FBN2: variants seen among roughly 807,000 people sequenced by gnomAD.
FBN2 encodes the protein fibrillin 2.
In FBN2, 105 loss-of-function variants were observed where a neutral mutation model predicts 355.6. The observed-to-expected ratio is 0.30, with a 90% CI of 0.25 to 0.35. The LOEUF is 0.35. FBN2 is among the 10% of genes least tolerant of loss of function. FBN2 has a pLI of 1.00. For missense variants in FBN2, 3,280 were observed against 3,758.7 expected, an observed-to-expected ratio of 0.87 and a Z score of 3.33; for synonymous variants, 1,350 against 1,301.2, an observed-to-expected ratio of 1.04 and a Z score of -0.81.
chr5:128,500,485 C>A (rs1194672134), intron 5 of FBN2, among the ~76,000 whole-genome samples: 4 of 138,186 alleles, frequency 2.9e-5, no homozygotes, highest in Non-Finnish European at 6.0e-5. Flanking sequence ...CTCTTCCACC[C>A]AGGCCGGACT....
intron 7 of FBN2, among the ~76,000 whole-genome samples, chr5:128,439,512 A>G (rs1283240390): frequency 6.6e-6 from 1 of 152,096 alleles, no homozygotes; most frequent in African/African-American, 2.4e-5. Flanking sequence ...ATAAGGATAA[A>G]TATGTTTTTG....
intron 48 of FBN2, among the ~76,000 whole-genome samples, chr5:128,297,580 C>T (rs1489774275): frequency 6.6e-6 from 1 of 152,182 alleles, no homozygotes; most frequent in African/African-American, 2.4e-5. Flanking sequence ...TGATCCCTTA[C>T]CATTAAGTAA....
At chr5:128,421,815 G>A (rs1251314409) in intron 7 of FBN2, among the ~76,000 whole-genome samples, 1 of 152,134 alleles carries the variant, frequency 6.6e-6, no homozygotes, top group Non-Finnish European at 1.5e-5. Flanking sequence ...CAGAATAATA[G>A]CCACCCAATG....
chr5:128,512,091 C>T (rs2127153068), intron 5 of FBN2, among the ~76,000 whole-genome samples: 1 of 152,176 alleles, frequency 6.6e-6, no homozygotes, highest in East Asian at 1.9e-4. Flanking sequence ...CAATATTTTC[C>T]AGTCAATCTG....
rs1554117125 is a variant in FBN2, at chr5:128,278,792, T to C, written c.7188A>G (p.Gln2396=). The change falls in exon 57 of 65, where the codon CAA becomes CAG. Residue 2396 remains glutamine (Q), a synonymous_variant. Coordinates refer to ENST00000262464, the MANE Select transcript of FBN2 (RefSeq NM_001999.4). The part of the protein sequence containing the change: ...CFAEVLQTIC[Q]MASSSRNLVT... ...CGAGATTGCGACTACTGGATGCCAT[T>C]TGACATATTGTCTGCAGTACCTCTG... 6.2e-7 allele frequency: 1 copy of C among 1,614,122 alleles called. No homozygotes were observed. Among genetic ancestry groups the C allele is most frequent in the Non-Finnish European group, 8.5e-7 (1 of 1,180,000 alleles).
At chr5:128,425,054 C>CG (rs1333733178) in intron 7 of FBN2, among the ~76,000 whole-genome samples, 43 of 142,392 alleles carry the variant, frequency 3.0e-4, no homozygotes, top group African/African-American at 1.1e-3. Context: ...CTGTCTTTTT[C>CG]GGGGGGAGGT....
At chr5:128,277,026 C>T (rs935002697) in intron 58 of FBN2, among the ~76,000 whole-genome samples, 2 of 152,090 alleles carry the variant, frequency 1.3e-5, no homozygotes, top group Non-Finnish European at 2.9e-5. Flanking sequence ...GCGTTGATGC[C>T]CACAGAATGC....
chr5:128,523,440 T>C (rs1756487364), intron 4 of FBN2, among the ~76,000 whole-genome samples: 1 of 152,108 alleles, frequency 6.6e-6, no homozygotes, highest in African/African-American at 2.4e-5. Flanking sequence ...GGTCTCTGTT[T>C]TCAACTCTCT....
chr5:128,349,884 T>G, intron 22 of FBN2, 71 bp downstream of exon 22: 1 of 1,173,624 alleles, frequency 8.5e-7, no homozygotes, highest in Non-Finnish European at 1.3e-6. Flanking sequence ...TCTCCAAAGT[T>G]TGAGAGTGAA....
chr5:128,439,939 A>G (rs1416742494), intron 7 of FBN2, among the ~76,000 whole-genome samples: 2 of 152,138 alleles, frequency 1.3e-5, no homozygotes, highest in Non-Finnish European at 2.9e-5. Flanking sequence ...TCCTGGTATA[A>G]GATGTGACAC....
At position 128,334,267 on chromosome 5, in the gene FBN2, A is replaced by C. The variant is rs3805633; in HGVS notation, c.4099+452T>G. Among the ~76,000 whole-genome samples, 7 of 152,270 alleles carry C rather than the reference A, an allele frequency of 4.6e-5. No individual in the cohort carries two copies. In the East Asian group the frequency reaches 1.4e-3, roughly 29 times the overall value. On this transcript the variant is annotated intron_variant, in intron 31 of 64. Transcript: ENST00000262464. Reference sequence around the variant, plus strand: ...CAAACAAGAAAGGAAAAGATGGGAGAAAGGAAGAAAGGGAAAGAGTCTCAA... The same window carrying C: ...CAAACAAGAAAGGAAAAGATGGGAGCAAGGAAGAAAGGGAAAGAGTCTCAA...
chr5:128,345,833 G>A (rs749473368), intron 23 of FBN2, among the ~76,000 whole-genome samples: 1 of 152,160 alleles, frequency 6.6e-6, no homozygotes, highest in East Asian at 1.9e-4. Context: ...CTCATGAGAT[G>A]ACTGCTTCAT....
intron 5 of FBN2, among the ~76,000 whole-genome samples, chr5:128,504,068 T>C (rs937359139): frequency 1.3e-5 from 2 of 152,194 alleles, no homozygotes; most frequent in African/African-American, 4.8e-5. Context: ...TCAGAGGTTG[T>C]AAGCCCTAAA....
At chr5:128,439,396 C>G (rs1290138738) in intron 7 of FBN2, among the ~76,000 whole-genome samples, 2 of 152,118 alleles carry the variant, frequency 1.3e-5, no homozygotes, top group Non-Finnish European at 2.9e-5. Flanking sequence ...CTCACCAATA[C>G]AGTTTGCCAT....
intron 48 of FBN2, among the ~76,000 whole-genome samples, chr5:128,292,738 T>C (rs897790895): frequency 2.0e-5 from 3 of 152,210 alleles, no homozygotes; most frequent in African/African-American, 7.2e-5. Flanking sequence ...TGTTTCCAAA[T>C]AGCCTCTTCT....
chr5:128,514,403 C>T (rs779641042), intron 5 of FBN2, among the ~76,000 whole-genome samples: 6 of 152,008 alleles, frequency 3.9e-5, no homozygotes, highest in African/African-American at 9.7e-5. Context: ...ACTCCTATTA[C>T]GGTATTTACT....
intron 5 of FBN2, among the ~76,000 whole-genome samples, chr5:128,507,280 G>C (rs1232127073): frequency 1.3e-5 from 2 of 151,990 alleles, no homozygotes; most frequent in African/African-American, 4.8e-5. Flanking sequence ...GTTATTTACA[G>C]CAGTCCCTTA....
intron 18 of FBN2, among the ~76,000 whole-genome samples, chr5:128,363,641 T>G (rs1751696003): frequency 6.6e-6 from 1 of 152,194 alleles, no homozygotes; most frequent in African/African-American, 2.4e-5. Context: ...ATAATGAGGT[T>G]GTTAGGGTAG....
intron 34 of FBN2, among the ~76,000 whole-genome samples, chr5:128,324,989 T>G (rs1332718793): frequency 6.6e-6 from 1 of 152,182 alleles, no homozygotes; most frequent in African/African-American, 2.4e-5. Flanking sequence ...TGTTATTATT[T>G]CCATTCTTTT....
Sources: allele counts gnomAD v4.1 joint callset (sites outside exome capture counted in the v4.1 genomes callset), GRCh38; gene constraint gnomAD v4.1.1; transcripts MANE v1.5; gene names NCBI Gene and HGNC (gene_info 2026-07-23, HGNC 2026-07-21).